The following CDH4 variants were observed in gnomAD, a reference collection of about 807,000 sequenced individuals.
The protein encoded by CDH4 is cadherin-4.
In CDH4, 33 loss-of-function variants were observed where a neutral mutation model predicts 86.0. The ratio of observed to expected loss-of-function variants is 0.38; its 90% CI spans 0.29 to 0.51. The LOEUF is 0.51. CDH4 is among the 20% of genes least tolerant of loss of function. The probability of loss-of-function intolerance (pLI) is 0.86; values close to 1 mark genes in which losing one functional copy is unlikely to be tolerated. For synonymous variants in CDH4, 555 were observed against 549.4 expected (o/e 1.01, Z -0.14); for missense variants, 1,114 against 1,307.4 (o/e 0.85, Z 2.28).
chr20:61,906,769 G>T (rs991467789), intron 8 of CDH4, among the ~76,000 whole-genome samples: 2 of 152,042 alleles, frequency 1.3e-5, no homozygotes, highest in African/African-American at 4.8e-5. Context: ...CTGCTTTGGG[G>T]CAAGACGGTG....
At chr20:61,914,811 C>T (rs1600767692) in intron 9 of CDH4, among the ~76,000 whole-genome samples, 1 of 152,200 alleles carries the variant, frequency 6.6e-6, no homozygotes, top group East Asian at 1.9e-4. Flanking sequence ...CTTTTCACAG[C>T]TGCCGTCTTC....
chr20:61,742,283 G>A (rs867925944), intron 2 of CDH4, among the ~76,000 whole-genome samples: 6 of 152,278 alleles, frequency 3.9e-5, no homozygotes, highest in African/African-American at 1.4e-4. Context: ...AGACAGGGTG[G>A]AAATGCCTGG....
chr20:61,905,173 A>G (rs2054775531), intron 8 of CDH4, among the ~76,000 whole-genome samples: 1 of 152,180 alleles, frequency 6.6e-6, no homozygotes, highest in African/African-American at 2.4e-5. Context: ...GGGGCCTGAG[A>G]GGCTTTCCTT....
chr20:61,660,798 G>A (rs923917276), intron 2 of CDH4, among the ~76,000 whole-genome samples: 3 of 152,100 alleles, frequency 2.0e-5, no homozygotes, highest in Admixed American at 6.6e-5. Context: ...GGTGCTTCGT[G>A]GAGATACCTG....
At chr20:61,728,220 T>G (rs1036187025) in intron 2 of CDH4, among the ~76,000 whole-genome samples, 1 of 152,110 alleles carries the variant, frequency 6.6e-6, no homozygotes, top group Admixed American at 6.5e-5. Context: ...CTGCAGGGGG[T>G]GCTTAACATC....
intron 2 of CDH4, among the ~76,000 whole-genome samples, chr20:61,674,315 A>T (rs891723058): frequency 6.6e-6 from 1 of 152,206 alleles, no homozygotes; most frequent in Non-Finnish European, 1.5e-5. Context: ...CAGGAGTCAC[A>T]GCATGTTGTG....
intron 2 of CDH4, among the ~76,000 whole-genome samples, chr20:61,328,293 A>T (rs746110896): frequency 2.0e-5 from 3 of 152,076 alleles, no homozygotes; most frequent in Non-Finnish European, 2.9e-5. Flanking sequence ...CTCCTGCCTC[A>T]GCCTCCCGAG....
intron 4 of CDH4, among the ~76,000 whole-genome samples, chr20:61,828,990 G>A (rs1424118731): frequency 6.6e-6 from 1 of 152,164 alleles, no homozygotes; most frequent in African/African-American, 2.4e-5. Context: ...TCACAACAGG[G>A]TCCACACTCC....
Position 61,565,109 on chromosome 20 carries a change from G to T in CDH4, c.170-178454G>T, listed in dbSNP as rs578004078. Among the ~76,000 whole-genome samples, 165 of 128,210 alleles carry T rather than the reference G, an allele frequency of 1.3e-3. 1 individual carries two copies. Among genetic ancestry groups the T allele is most frequent in the African/African-American group, 4.7e-3 (161 of 34,212 alleles). The allele number at this position is 128,210 out of a possible 152,430, so 84.1% of individuals were successfully genotyped here. ...TGGTGCTCTTGGTGGTGCTCTTGGT[G>T]GTGCTGGTGCTCTTGGTGGTGCTGG... On this transcript the variant is annotated intron_variant, in intron 2 of 15. Transcript: ENST00000614565.
intron 2 of CDH4, among the ~76,000 whole-genome samples, chr20:61,670,729 T>C (rs904031994): frequency 2.6e-5 from 4 of 152,182 alleles, no homozygotes; most frequent in African/African-American, 9.7e-5. Flanking sequence ...GCCATTCTTA[T>C]GGGTGGGGCC....
chr20:61,821,969 A>G (rs1384842892), intron 4 of CDH4, among the ~76,000 whole-genome samples: 2 of 152,268 alleles, frequency 1.3e-5, no homozygotes, highest in Non-Finnish European at 2.9e-5. Flanking sequence ...CAGGCTCTTC[A>G]TGAGCAAGTG....
intron 7 of CDH4, among the ~76,000 whole-genome samples, chr20:61,883,471 C>T (rs1007857751): frequency 3.9e-5 from 6 of 152,152 alleles, no homozygotes; most frequent in African/African-American, 1.2e-4. Context: ...GCTCAGCACC[C>T]CTCAGTGCCC....
chr20:61,866,851 T>G (rs1453888423), intron 6 of CDH4, among the ~76,000 whole-genome samples: 1 of 152,258 alleles, frequency 6.6e-6, no homozygotes, highest in African/African-American at 2.4e-5. Context: ...AAAGCGTAGA[T>G]GCCTAGATGG....
intron 2 of CDH4, chr20:61,718,676 G>A (rs1326450376): frequency 2.5e-6 from 1 of 393,520 alleles, no homozygotes; most frequent in East Asian, 7.3e-5. Flanking sequence ...CGAAGCCAGA[G>A]GAGCCTGCAT....
chr20:61,380,760 G>A (rs1183986046), intron 2 of CDH4, among the ~76,000 whole-genome samples: 1 of 152,168 alleles, frequency 6.6e-6, no homozygotes, highest in East Asian at 1.9e-4. Flanking sequence ...GATCTTTCAT[G>A]ATGCTGAAAG....
rs573653284 is a variant in CDH4, at chr20:61,538,632, G to A, written c.170-204931G>A. 1.0e-3 allele frequency among the ~76,000 whole-genome samples: 152 copies of A among 152,288 alleles called. 1 individual carries two copies. The South Asian group carries it at 0.026, about 26-fold the overall frequency. ...ATCTGGTACCTCCTGCCCCTCGTGC[G>A]TTCATGGGAGGCCATGTGGCTGGGC... On this transcript the variant is annotated intron_variant, in intron 2 of 15. Transcript: ENST00000614565.
intron 2 of CDH4, among the ~76,000 whole-genome samples, chr20:61,706,951 A>G (rs1568767936): frequency 6.6e-6 from 1 of 152,196 alleles, no homozygotes; most frequent in Non-Finnish European, 1.5e-5. Context: ...GGTCTTTAGA[A>G]GCTCCTGGAT....
chr20:61,694,810 G>A (rs2087698963), intron 2 of CDH4, among the ~76,000 whole-genome samples: 1 of 152,192 alleles, frequency 6.6e-6, no homozygotes. Context: ...CCTCTGCACG[G>A]GAGCCACCTT....
intron 9 of CDH4, among the ~76,000 whole-genome samples, chr20:61,920,074 G>GAAGTGTGA (rs1568887725): frequency 1.1e-4 from 14 of 123,278 alleles, no homozygotes; most frequent in South Asian, 5.3e-4. Context: ...TGGAAGCGTG[G>GAAGTGTGA]TGTCACGGTG....
Sources: allele counts gnomAD v4.1 joint callset (sites outside exome capture counted in the v4.1 genomes callset), GRCh38; gene constraint gnomAD v4.1.1; transcripts MANE v1.5; gene names NCBI Gene and HGNC (gene_info 2026-07-23, HGNC 2026-07-21).